The following SOAT2 variants were observed in gnomAD, a reference collection of about 807,000 sequenced individuals.
SOAT2 encodes the protein ACAT-2.
A neutral mutation model predicts 76.0 loss-of-function variants in SOAT2; 87 were observed. The observed-to-expected ratio is 1.14, with a 90% confidence interval of 0.96 to 1.37. The LOEUF (loss-of-function observed/expected upper bound fraction) is 1.37, where lower values mean the gene tolerates loss of function less well. SOAT2 is among the 40% of genes most tolerant of loss of function. The pLI is 0.00. For synonymous variants in SOAT2, 285 were observed against 275.4 expected, an observed-to-expected ratio of 1.03 and a Z score of -0.34; for missense variants, 686 against 682.1, an observed-to-expected ratio of 1.01 and a Z score of -0.06.
Position 53,120,786 on chromosome 12 carries a change from G to A in SOAT2, c.1040G>A (p.Gly347Asp). The change falls in exon 11 of 15, where the codon GGC becomes GAC. Residue 347 changes from glycine to aspartate, a missense_variant and splice_region_variant. Gly to Asp is a moderately conservative substitution (Grantham distance 94). Coordinates refer to ENST00000301466, the MANE Select transcript of SOAT2 (RefSeq NM_003578.4). ...VLSILHATLP[G>D]IFMLLLIFFA... ...GCAGCCTCTTGTCCCCAACCACCAGGCATCTTCATGCTGCTGCTCATCTTC... is the reference window on the plus strand; with the variant it reads ...GCAGCCTCTTGTCCCCAACCACCAGACATCTTCATGCTGCTGCTCATCTTC... The A allele has an allele frequency of 1.2e-6, 2 of 1,613,046 alleles. No homozygotes were observed. The highest frequency in any genetic ancestry group is 1.7e-6 in the Non-Finnish European group (2 of 1,179,086).
At position 53,103,586 on chromosome 12, in the gene SOAT2, A is replaced by G. The variant is rs72547453; in HGVS notation, c.9A>G (p.Pro3=). Residue 3 remains proline, a synonymous_variant, in exon 1 of 15, where the codon CCA becomes CCG. Transcript: ENST00000301466. ME[P]GGARLRLQRT... ...CCGCTGGAGACCGCACCATGGAGCC[A>G]GGCGGGGCCCGTCTGCGTCTGCAGA... is the stretch of plus-strand genomic sequence containing the variant. 6.5e-7 allele frequency: 1 copy of G among 1,546,564 alleles called. No individual in the cohort carries two copies. The highest frequency in any genetic ancestry group is 1.7e-4 in the Middle Eastern group (1 of 5,986).
At chr12:53,106,083 C>A in intron 5 of SOAT2, 69 bp downstream of exon 5, 1 of 1,105,550 alleles carries the variant, frequency 9.0e-7, no homozygotes. Context: ...CAGTGCCCCA[C>A]CTGCCCTTGG....
intron 5 of SOAT2, 114 bp from the exon 6 acceptor site, chr12:53,115,276 A>C: frequency 3.3e-6 from 4 of 1,210,564 alleles, no homozygotes; most frequent in Non-Finnish European, 4.6e-6. Flanking sequence ...AGAGATGGGG[A>C]GCTCACAACC....
chr12:53,108,072 T>C (rs538062472), intron 5 of SOAT2, among the ~76,000 whole-genome samples: 1 of 152,352 alleles, frequency 6.6e-6, no homozygotes, highest in East Asian at 1.9e-4. Flanking sequence ...GCCTTTTAAA[T>C]TGGCTTTGAT....
intron 5 of SOAT2, among the ~76,000 whole-genome samples, chr12:53,114,652 C>A (rs922643299): frequency 3.3e-5 from 5 of 152,100 alleles, no homozygotes; most frequent in Non-Finnish European, 5.9e-5. Context: ...ACCCGGGAGG[C>A]GGAGGTTGCA....
At chr12:53,105,269 G>T (rs546495993) in intron 3 of SOAT2, 26 bp downstream of exon 3, 1 of 1,593,088 alleles carries the variant, frequency 6.3e-7, no homozygotes, top group Non-Finnish European at 8.5e-7. Context: ...GGCTGCGCGG[G>T]CTCCTCTGTA....
At chr12:53,121,793 C>CTTTTTTT (rs56848843) in intron 12 of SOAT2, among the ~76,000 whole-genome samples, 9 of 56,862 alleles carry the variant, frequency 1.6e-4, no homozygotes, top group Admixed American at 2.3e-4. Flanking sequence ...TAGTAGCATG[C>CTTTTTTT]TTTTTTTTTT....
intron 5 of SOAT2, among the ~76,000 whole-genome samples, chr12:53,110,637 C>T (rs1342578635): frequency 1.3e-5 from 2 of 152,100 alleles, no homozygotes; most frequent in Non-Finnish European, 2.9e-5. Flanking sequence ...TATCTTTTTG[C>T]ATATCTAGGG....
intron 2 of SOAT2, among the ~76,000 whole-genome samples, 153 bp from the exon 3 acceptor site, chr12:53,104,954 C>T (rs1470351964): frequency 2.6e-5 from 4 of 151,508 alleles, no homozygotes; most frequent in African/African-American, 7.3e-5. Flanking sequence ...GGCCTGCCAC[C>T]ACTGAACCCC....
intron 5 of SOAT2, among the ~76,000 whole-genome samples, chr12:53,107,121 T>C (rs1017001156): frequency 1.3e-5 from 2 of 152,214 alleles, no homozygotes; most frequent in Non-Finnish European, 2.9e-5. Flanking sequence ...TGAGACCTGC[T>C]TGTCACAGTC....
chr12:53,117,451 A>C (rs952583048), intron 7 of SOAT2, among the ~76,000 whole-genome samples: 9 of 152,012 alleles, frequency 5.9e-5, no homozygotes, highest in African/African-American at 2.2e-4. Flanking sequence ...AAGCTCGAGG[A>C]GAACAGAAGA....
At chr12:53,108,575 G>A (rs1214596539) in intron 5 of SOAT2, among the ~76,000 whole-genome samples, 1 of 152,102 alleles carries the variant, frequency 6.6e-6, no homozygotes, top group Admixed American at 6.6e-5. Flanking sequence ...CAAAAGAAAA[G>A]TTTCCTTGAC....
At chr12:53,122,806 A>G (rs1938212460) in intron 12 of SOAT2, among the ~76,000 whole-genome samples, 2 of 151,908 alleles carry the variant, frequency 1.3e-5, no homozygotes, top group Non-Finnish European at 2.9e-5. Flanking sequence ...ATTCCACAAA[A>G]CTGCCATTGT....
At chr12:53,104,316 A>T in intron 2 of SOAT2, 110 bp downstream of exon 2, 1 of 780,184 alleles carries the variant, frequency 1.3e-6, no homozygotes. Flanking sequence ...TTTTGAAACA[A>T]AGTCTCGCTC....
chr12:53,123,569 G>A (rs1371509371), intron 13 of SOAT2, among the ~76,000 whole-genome samples, 159 bp from the exon 14 acceptor site: 2 of 152,122 alleles, frequency 1.3e-5, no homozygotes, highest in Non-Finnish European at 2.9e-5. Flanking sequence ...GGTTTTACAT[G>A]GGCCACTTTA....
At chr12:53,118,232 C>A in intron 7 of SOAT2, 118 bp from the exon 8 acceptor site, 1 of 467,746 alleles carries the variant, frequency 2.1e-6, no homozygotes, top group Non-Finnish European at 3.9e-6. Context: ...TTGCTTATCC[C>A]CCACCCCCAC....
intron 12 of SOAT2, 75 bp downstream of exon 12, chr12:53,121,476 C>G: frequency 1.6e-6 from 2 of 1,246,468 alleles, no homozygotes; most frequent in Non-Finnish European, 2.3e-6. Context: ...TTCCCTCCTG[C>G]TACAGTGTGG....
At chr12:53,118,221 C>CTTGCTTA (rs1382072331) in intron 7 of SOAT2, 129 bp from the exon 8 acceptor site, 1 of 627,564 alleles carries the variant, frequency 1.6e-6, no homozygotes, top group African/African-American at 1.8e-5. Flanking sequence ...CGTCCAGCTC[C>CTTGCTTA]TTGCTTATCC....
chr12:53,121,104 G>A (rs1938182830), intron 11 of SOAT2, among the ~76,000 whole-genome samples, 199 bp from the exon 12 acceptor site: 1 of 152,222 alleles, frequency 6.6e-6, no homozygotes, highest in South Asian at 2.1e-4. Flanking sequence ...ATCTTCTCCT[G>A]AGAGAGGGAG....
Sources: allele counts gnomAD v4.1 joint callset (sites outside exome capture counted in the v4.1 genomes callset), GRCh38; gene constraint gnomAD v4.1.1; transcripts MANE v1.5; gene names NCBI Gene and HGNC (gene_info 2026-07-23, HGNC 2026-07-21).